Variants in IL5 observed in about 807,000 individuals in gnomAD.
The protein encoded by IL5 is interleukin-5.
In IL5, 12 loss-of-function variants were observed where a neutral mutation model predicts 16.3. That is an observed-to-expected ratio of 0.74 (90% confidence interval 0.47 to 1.20). IL5 has a LOEUF of 1.20. IL5 is among the 50% of genes most tolerant of loss of function. IL5 has a pLI of 0.00. For missense variants in IL5, 159 were observed against 153.9 expected, an observed-to-expected ratio of 1.03 and a Z score of -0.17; for synonymous variants, 54 against 56.6, an observed-to-expected ratio of 0.95 and a Z score of 0.21.
chr5:132,544,356 T>C (rs1485949842), upstream of IL5, among the ~76,000 whole-genome samples: 5 of 152,210 alleles, frequency 3.3e-5, no homozygotes, highest in Non-Finnish European at 7.3e-5. Context: ...CAGGGTGTAG[T>C]ATATACTGAT....
chr5:132,555,632 C>T (rs1169017492), intron 1 of IL5, among the ~76,000 whole-genome samples: 2 of 152,206 alleles, frequency 1.3e-5, no homozygotes, highest in Non-Finnish European at 2.9e-5. Context: ...ACTCCTGCCT[C>T]AGCCTCCTGA....
chr5:132,552,902 T>C (rs1402938747), intron 1 of IL5, among the ~76,000 whole-genome samples: 1 of 152,106 alleles, frequency 6.6e-6, no homozygotes, highest in Non-Finnish European at 1.5e-5. Context: ...GCCCGGCTAA[T>C]TTTTTGCATT....
Position 132,543,359 on chromosome 5 carries a change from A to G in IL5, c.120T>C (p.His40=). 1 of 1,614,198 alleles carries G rather than the reference A, an allele frequency of 6.2e-7. No homozygotes were observed. The highest frequency in any genetic ancestry group is 8.5e-7 in the Non-Finnish European group (1 of 1,180,012). The change falls in exon 1 of 4, where the codon CAT becomes CAC. Residue 40 remains histidine, a synonymous_variant. Transcript: ENST00000231454. ...CCTCATTGGCTATCAGCAGAGTTCGATGAGTAGAAAGCAGTGCCAAGGTCT... is the reference window on the plus strand; with the variant it reads ...CCTCATTGGCTATCAGCAGAGTTCGGTGAGTAGAAAGCAGTGCCAAGGTCT... ...VKETLALLST[H]RTLLIANETL...
chr5:132,549,531 T>G (rs1365303888), intron 1 of IL5, among the ~76,000 whole-genome samples: 1 of 152,216 alleles, frequency 6.6e-6, no homozygotes, highest in African/African-American at 2.4e-5. Context: ...TAGAAAGAAA[T>G]AAACAATTAG....
chr5:132,556,734 A>G, exon 1 of IL5: 1 of 1,226,106 alleles, frequency 8.2e-7, no homozygotes, highest in Non-Finnish European at 1.0e-6. Context: ...TCCCAGGATC[A>G]AGCTTTGGGA....
chr5:132,542,516 T>C (rs1304140012), intron 2 of IL5, among the ~76,000 whole-genome samples: 1 of 152,198 alleles, frequency 6.6e-6, no homozygotes, highest in Non-Finnish European at 1.5e-5. Context: ...GTGTAATGCA[T>C]TATACATTAA....
At chr5:132,550,130 T>G (rs2149826210) in intron 1 of IL5, among the ~76,000 whole-genome samples, 1 of 152,306 alleles carries the variant, frequency 6.6e-6, no homozygotes, top group African/African-American at 2.4e-5. Context: ...TACCATAGTT[T>G]CCATCACCAT....
At chr5:132,552,557 A>G (rs1749900548) in intron 1 of IL5, among the ~76,000 whole-genome samples, 1 of 152,072 alleles carries the variant, frequency 6.6e-6, no homozygotes, top group Admixed American at 6.5e-5. Context: ...TTTTTTTGTA[A>G]TGGAACCTGG....
upstream of IL5, among the ~76,000 whole-genome samples, chr5:132,546,999 CTGGG>C (rs2149824945): frequency 6.6e-6 from 1 of 152,278 alleles, no homozygotes; most frequent in Admixed American, 6.5e-5. Flanking sequence ...GCACGCCAGC[CTGGG>C]CAACAGAGCG....
At chr5:132,554,780 G>A (rs1228736271) in intron 1 of IL5, among the ~76,000 whole-genome samples, 1 of 152,192 alleles carries the variant, frequency 6.6e-6, no homozygotes, top group African/African-American at 2.4e-5. Flanking sequence ...TAGCTAAAAC[G>A]TGAAAGTAAC....
rs377266178 is a variant in IL5 at position 132,550,558 on chromosome 5, G to A, written c.42+6116C>T. ...AGGATGGTCTTGATCTGTTGACGTC[G>A]TGATCTGCCCATCTCGGCCTCCCAA... On this transcript the variant is annotated intron_variant, in intron 1 of 2. Transcript: ENST00000450655. Among the ~76,000 whole-genome samples the A allele has an allele frequency of 4.6e-5, 7 of 152,226 alleles. No homozygotes were observed. The East Asian group carries it at 7.7e-4, about 17-fold the overall frequency.
intron 1 of IL5, among the ~76,000 whole-genome samples, chr5:132,554,893 T>TC (rs1237300821): frequency 6.6e-6 from 1 of 152,086 alleles, no homozygotes; most frequent in Non-Finnish European, 1.5e-5. Context: ...GCTACAGTGG[T>TC]CCCCAACCTT....
chr5:132,554,257 C>T (rs1377114840), intron 1 of IL5, among the ~76,000 whole-genome samples: 1 of 151,808 alleles, frequency 6.6e-6, no homozygotes, highest in Non-Finnish European at 1.5e-5. Context: ...ATCCCAGCTA[C>T]TCAGGAGGCT....
At chr5:132,542,245 T>A (rs1324135587) in intron 2 of IL5, 102 bp from the exon 3 acceptor site, 3 of 622,090 alleles carry the variant, frequency 4.8e-6, no homozygotes, top group Non-Finnish European at 8.1e-6. Flanking sequence ...AACATCATAT[T>A]GTACACAATA....
chr5:132,541,790 C>T lies in IL5; in HGVS notation c.*21G>A. 1 of 1,538,366 alleles carries T rather than the reference C, an allele frequency of 6.5e-7. No individual in the cohort carries two copies. The highest frequency in any genetic ancestry group is 9.0e-7 in the Non-Finnish European group (1 of 1,114,904). On this transcript the variant is annotated 3_prime_UTR_variant, in exon 4 of 4. Coordinates refer to ENST00000231454, the MANE Select transcript of IL5 (RefSeq NM_000879.3). ...TGTCCTTCTCCTCCAAAATCTTTGG[C>T]TGCAACAAACCAGTTTAGTCTCAAC...
chr5:132,543,315 G>T lies in IL5; in HGVS notation c.144+20C>A. On this transcript the variant is annotated intron_variant, in intron 1 of 3. Coordinates refer to ENST00000231454, the MANE Select transcript of IL5 (RefSeq NM_000879.3). ...TTACCTATGCACTTTACAGACTGTA[G>T]GAATCATAAAGAAAATTACCTCATT... 6.2e-7 allele frequency: 1 copy of T among 1,607,628 alleles called. No homozygotes were observed. The highest frequency in any genetic ancestry group is 1.3e-5 in the African/African-American group (1 of 74,864).
At position 132,548,658 on chromosome 5, in the gene IL5, T is replaced by C. The variant is rs542820128; in HGVS notation, c.43-5532A>G. On this transcript the variant is annotated intron_variant, in intron 1 of 2. Transcript: ENST00000450655. ...GTCCCAGTCTGTGAGTGTGTGTGTG[T>C]GCGTCTGTGTGTGCGTCTGTGTGCT... is the stretch of plus-strand genomic sequence containing the variant. 1.8e-3 allele frequency among the ~76,000 whole-genome samples: 280 copies of C among 151,540 alleles called. 1 individual carries two copies. The highest frequency in any genetic ancestry group is 6.3e-3 in the African/African-American group (257 of 40,944).
chr5:132,542,262 T>C (rs1749709823), intron 2 of IL5, 119 bp from the exon 3 acceptor site: 1 of 472,248 alleles, frequency 2.1e-6, no homozygotes, highest in East Asian at 3.5e-5. Flanking sequence ...AATAAATATA[T>C]ATACTTTTTA....
upstream of IL5, among the ~76,000 whole-genome samples, chr5:132,544,212 A>T (rs2149823687): frequency 6.6e-6 from 1 of 152,214 alleles, no homozygotes; most frequent in Admixed American, 6.5e-5. Flanking sequence ...TGATGTCCAG[A>T]CTCCTGGATC....
Sources: gnomAD v4.1 joint callset for allele counts (sites outside exome capture counted in the v4.1 genomes callset) on GRCh38, gnomAD v4.1.1 for gene constraint, MANE v1.5 for transcripts, NCBI Gene and HGNC (gene_info 2026-07-23, HGNC 2026-07-21) for gene names.